HBS1L: variants seen among roughly 807,000 people sequenced by gnomAD.
The protein encoded by HBS1L is HBS1-like protein.
Under a neutral mutation model 88.9 loss-of-function variants are expected in HBS1L, and 55 were observed. The ratio of observed to expected loss-of-function variants is 0.62; its 90% CI spans 0.50 to 0.77. HBS1L has a LOEUF of 0.77. Ranked by LOEUF, HBS1L falls within the 30% of genes least tolerant of loss-of-function variation. The pLI, the probability that HBS1L is intolerant of heterozygous loss-of-function variation, is 0.00. For synonymous variants in HBS1L, 267 were observed against 288.5 expected (o/e 0.93, Z 0.76); for missense variants, 741 against 829.3 (o/e 0.89, Z 1.31).
chr6:135,038,127 C>T, intron 4 of HBS1L: 2 of 828,146 alleles, frequency 2.4e-6, no homozygotes, highest in Non-Finnish European at 3.6e-6. Flanking sequence ...CATTTAATTA[C>T]TAAATGCTTC....
At chr6:135,043,048 TG>T (rs1195595685) in intron 2 of HBS1L, among the ~76,000 whole-genome samples, 4 of 152,266 alleles carry the variant, frequency 2.6e-5, no homozygotes, top group East Asian at 3.9e-4. Context: ...AATATATAAC[TG>T]GGTATTCATA....
chr6:134,988,349 C>T (rs551197749), intron 8 of HBS1L, among the ~76,000 whole-genome samples: 45 of 150,360 alleles, frequency 3.0e-4, no homozygotes, highest in Non-Finnish European at 5.8e-4. Flanking sequence ...GGTGACAGAA[C>T]AAGACTGTCT....
At chr6:135,029,718 T>C (rs557295826) in intron 4 of HBS1L, among the ~76,000 whole-genome samples, 1 of 152,250 alleles carries the variant, frequency 6.6e-6, no homozygotes, top group Admixed American at 6.5e-5. Context: ...CAATAACAAC[T>C]GGAACACTTA....
At chr6:134,968,311 C>T (rs907758421) in intron 16 of HBS1L, among the ~76,000 whole-genome samples, 5 of 150,944 alleles carry the variant, frequency 3.3e-5, no homozygotes, top group African/African-American at 7.3e-5. Flanking sequence ...TACAGTGGTG[C>T]GATCACCGCT....
chr6:135,045,353 A>T (rs959091517), intron 2 of HBS1L, among the ~76,000 whole-genome samples: 58 of 152,366 alleles, frequency 3.8e-4, no homozygotes, highest in Admixed American at 3.5e-3. Context: ...TTAAAATTTA[A>T]GGCATTTTGA....
intron 12 of HBS1L, among the ~76,000 whole-genome samples, chr6:134,983,993 A>G (rs924487231): frequency 6.6e-6 from 1 of 152,168 alleles, no homozygotes. Flanking sequence ...GATAGAATTG[A>G]AAGTGTATAT....
intron 1 of HBS1L, 144 bp from the exon 2 acceptor site, chr6:135,050,791 CTT>C: frequency 1.7e-6 from 1 of 597,324 alleles, no homozygotes. Flanking sequence ...CAAAAAAACT[CTT>C]AAGAATTTCA....
intron 4 of HBS1L, among the ~76,000 whole-genome samples, chr6:135,034,538 G>C (rs1475771532): frequency 6.6e-6 from 1 of 152,208 alleles, no homozygotes; most frequent in Non-Finnish European, 1.5e-5. Context: ...CAGCTACTCG[G>C]GGGGCTGACA....
intron 4 of HBS1L, chr6:135,037,259 G>C (rs1776583631): frequency 6.4e-7 from 1 of 1,551,706 alleles, no homozygotes; most frequent in Non-Finnish European, 8.7e-7. Context: ...GCAGATGACT[G>C]GTTACAAAGG....
At position 135,011,406 on chromosome 6, in the gene HBS1L, G is replaced by C. The variant is rs901570557; in HGVS notation, c.431-8564C>G. Among the ~76,000 whole-genome samples the C allele has an allele frequency of 2.0e-5, 3 of 152,146 alleles. No individual in the cohort carries two copies. The East Asian group carries it at 5.8e-4, about 29-fold the overall frequency. Reference sequence around the variant, plus strand: ...GTATTAACATGCACCTGTAGTCCTAGCTACTCAGGAGGTTGAGATGGGAGG... The same window carrying C: ...GTATTAACATGCACCTGTAGTCCTACCTACTCAGGAGGTTGAGATGGGAGG... On this transcript the variant is annotated intron_variant, in intron 4 of 17. Transcript: ENST00000367837.
chr6:135,016,563 T>C (rs1261546630), intron 4 of HBS1L, among the ~76,000 whole-genome samples: 2 of 152,218 alleles, frequency 1.3e-5, no homozygotes, highest in Non-Finnish European at 2.9e-5. Flanking sequence ...AACATGATGC[T>C]ATCAACTTTA....
intron 4 of HBS1L, among the ~76,000 whole-genome samples, chr6:135,035,570 C>T (rs1006419460): frequency 2.0e-5 from 3 of 151,232 alleles, no homozygotes; most frequent in Non-Finnish European, 4.4e-5. Context: ...GAAACCCCAT[C>T]TCTACTAAAA....
chr6:135,022,716 A>G (rs1007964828), intron 4 of HBS1L, among the ~76,000 whole-genome samples: 5 of 152,146 alleles, frequency 3.3e-5, no homozygotes, highest in African/African-American at 1.2e-4. Context: ...AAAAGGGAAA[A>G]CCAAAAAAGA....
intron 4 of HBS1L, among the ~76,000 whole-genome samples, chr6:135,030,687 A>G (rs1451323496): frequency 1.3e-5 from 2 of 152,228 alleles, no homozygotes; most frequent in Admixed American, 1.3e-4. Flanking sequence ...AATGAAAACA[A>G]AAGTAACAAT....
intron 8 of HBS1L, among the ~76,000 whole-genome samples, chr6:134,990,459 A>G (rs1313941792): frequency 2.0e-5 from 3 of 152,182 alleles, no homozygotes; most frequent in East Asian, 1.9e-4. Flanking sequence ...TATTTTGCAC[A>G]CTCGGCAAGT....
chr6:134,980,809 A>G (rs1774808124), intron 13 of HBS1L, among the ~76,000 whole-genome samples: 1 of 151,954 alleles, frequency 6.6e-6, no homozygotes, highest in Admixed American at 6.6e-5. Flanking sequence ...GATTCAGTCA[A>G]GTCTTTCTTT....
chr6:134,997,775 T>G lies in HBS1L; in HGVS notation c.540-119A>C, dbSNP rs1775334646. 5.4e-6 allele frequency: 5 copies of G among 923,130 alleles called. No homozygotes were observed. In the East Asian group the frequency reaches 9.8e-5, roughly 18 times the overall value. 57.2% of individuals were successfully genotyped at this position (923,130 alleles called of 1,614,324 possible). Reference sequence around the variant, plus strand: ...TTTATGCTCCAGACCAGAAATAATCTCTGCTAAGTAGCTAAAGTCTGTTAA... The same window carrying G: ...TTTATGCTCCAGACCAGAAATAATCGCTGCTAAGTAGCTAAAGTCTGTTAA... On this transcript the variant is annotated intron_variant, in intron 5 of 17. Transcript: ENST00000367837.
In HBS1L at chr6:135,012,033, A is replaced by G. The variant is rs113418264; in HGVS notation, c.431-9191T>C. ...TCAAAGGTGTGGCAGAGGAAAGGGGAAAAAAAAAATGTTGCTATGTACACC... is the reference window on the plus strand; with the variant it reads ...TCAAAGGTGTGGCAGAGGAAAGGGGGAAAAAAAAATGTTGCTATGTACACC... On this transcript the variant is annotated intron_variant, in intron 4 of 17. Transcript: ENST00000367837. Among the ~76,000 whole-genome samples, 1,137 of 150,102 alleles carry G rather than the reference A, an allele frequency of 7.6e-3. 6 individuals carry two copies. The highest frequency in any genetic ancestry group is 0.011 in the Non-Finnish European group (769 of 67,250).
intron 2 of HBS1L, 52 bp from the exon 3 acceptor site, chr6:135,042,178 CT>C (rs761030284): frequency 2.1e-5 from 31 of 1,484,544 alleles, no homozygotes; most frequent in East Asian, 7.0e-5. Flanking sequence ...TTCCTATTAA[CT>C]TTTTTTTACA....
Sources: gnomAD v4.1 joint callset for allele counts (sites outside exome capture counted in the v4.1 genomes callset) on GRCh38, gnomAD v4.1.1 for gene constraint, MANE v1.5 for transcripts, NCBI Gene and HGNC (gene_info 2026-07-23, HGNC 2026-07-21) for gene names.